Variants in HGFAC observed in about 807,000 individuals in gnomAD.
The protein encoded by HGFAC is HGF activator, also known as hepatocyte growth factor activator serine protease.
HGFAC carries 76 observed loss-of-function variants against 70.6 expected under a neutral mutation model. The ratio of observed to expected loss-of-function variants is 1.08; its 90% confidence interval spans 0.89 to 1.30. The LOEUF is 1.30. Among genes scored for constraint, HGFAC ranks in the 50% most tolerant of loss-of-function variants. The pLI, the probability that HGFAC is intolerant of heterozygous loss-of-function variation, is 0.00. For synonymous variants in HGFAC, 464 were observed against 405.3 expected (o/e 1.14, Z -1.74); for missense variants, 1,044 against 933.7 (o/e 1.12, Z -1.54).
At chr4:3,446,341 C>T in intron 10 of HGFAC, 47 bp downstream of exon 10, 1 of 1,577,404 alleles carries the variant, frequency 6.3e-7, no homozygotes, top group Non-Finnish European at 8.6e-7. Context: ...GCCCCACACA[C>T]CATCCAGCGT....
chr4:3,447,611 A>G lies in HGFAC; in HGVS notation c.1475A>G (p.Asn492Ser). ...CCGTACACCCTGTACTCGGTGTTCA[A>G]CCCCAGCGACCACGACCTCGGTGAG... The part of the protein sequence containing the change: ...YIPYTLYSVF[N>S]PSDHDLVLIR... Residue 492 changes from asparagine to serine, a missense_variant, in exon 11 of 14, where the codon AAC (asparagine) becomes AGC (serine). Coordinates refer to ENST00000382774, the MANE Select transcript of HGFAC (RefSeq NM_001528.4). The G allele has an allele frequency of 6.2e-7, 1 of 1,612,582 alleles. No homozygotes were observed. The highest frequency in any genetic ancestry group is 8.5e-7 in the Non-Finnish European group (1 of 1,179,862).
In HGFAC at chr4:3,443,424, G is replaced by T; in HGVS notation, c.475+4G>T. On this transcript the variant is annotated splice_donor_region_variant and intron_variant, in intron 4 of 13. Transcript: ENST00000382774. ...ACCCCGCCTCCAGGGGGCCCAGGTG[G>T]GTGCTGGGTTGGGTAGCCTGGGGCG... The T allele has an allele frequency of 6.9e-7, 1 of 1,454,312 alleles. No individual in the cohort carries two copies. The highest frequency in any genetic ancestry group is 1.4e-5 in the South Asian group (1 of 70,128). 90.1% of individuals were successfully genotyped at this position (1,454,312 alleles called of 1,614,324 possible).
At position 3,442,093 on chromosome 4, in the gene HGFAC, G is replaced by A. The variant is rs748796749; in HGVS notation, c.92G>A (p.Arg31Gln). 2.1e-5 allele frequency: 32 copies of A among 1,558,998 alleles called. No homozygotes were observed. Among genetic ancestry groups the A allele is most frequent in the Admixed American group, 3.9e-5 (2 of 51,854 alleles). The change falls in exon 1 of 14, where the codon CGG becomes CAG. Residue 31 changes from arginine to glutamine, a missense_variant. Physicochemically the swap from Arg to Gln is conservative, Grantham distance 43 (BLOSUM62 1). Coordinates refer to ENST00000382774, the MANE Select transcript of HGFAC (RefSeq NM_001528.4). ...CTCCTGCTGCTGCTGCTGCTGCCAC[G>A]GGGGTTCCAGCCCCAGCCTGGCGGG... ...LLLLLLLLLPRGFQPQPGGNR... is the reference protein window; with the variant it reads ...LLLLLLLLLPQGFQPQPGGNR...
chr4:3,445,220 G>T (rs1041558920), intron 8 of HGFAC, 45 bp from the exon 9 acceptor site: 3 of 1,476,940 alleles, frequency 2.0e-6, no homozygotes, highest in Admixed American at 2.0e-5. Context: ...TGCCCTCTTC[G>T]AGGGGCAGTG....
At position 3,449,233 on chromosome 4, in the gene HGFAC, C is replaced by T. The variant is rs372897689; in HGVS notation, c.1786-4C>T. ...GGGTGGCTCTGACCAACGTCTCTGC[C>T]CAGGGGGACTCAGGGGGGCCCCTGG... On this transcript the variant is annotated splice_region_variant and splice_polypyrimidine_tract_variant and intron_variant, in intron 13 of 13. Transcript: ENST00000382774. 1.9e-6 allele frequency: 3 copies of T among 1,611,214 alleles called. No homozygotes were observed. Among genetic ancestry groups the T allele is most frequent in the Non-Finnish European group, 2.5e-6 (3 of 1,179,062 alleles).
chr4:3,447,989 C>T lies in HGFAC; in HGVS notation c.1590C>T (p.Pro530=), dbSNP rs202093241. 6.4e-5 allele frequency: 101 copies of T among 1,579,252 alleles called. 1 individual carries two copies. Among genetic ancestry groups the T allele is most frequent in the Middle Eastern group, 3.4e-4 (2 of 5,914 alleles). Residue 530 remains proline, a synonymous_variant, in exon 12 of 14, where the codon CCC becomes CCT. Transcript: ENST00000382774. ...ICLPEPGSTF[P]AGHKCQIAGW... is the part of the protein sequence containing the mutation. The stretch of plus-strand genomic sequence containing the variant: ...TGCCCGAGCCCGGCAGCACCTTCCC[C>T]GCAGGACACAAGTGCCAGATTGCGG...
chr4:3,445,793 AG>A (rs1347473653), intron 9 of HGFAC: 4 of 1,322,196 alleles, frequency 3.0e-6, no homozygotes, highest in Non-Finnish European at 4.2e-6. Context: ...CGGGCTGCTG[AG>A]GGGGCCACAA....
chr4:3,448,104 C>A (rs762497071), intron 12 of HGFAC, 24 bp from the exon 13 acceptor site: 2 of 1,572,984 alleles, frequency 1.3e-6, no homozygotes, highest in Admixed American at 1.8e-5. Flanking sequence ...GTGGGTGTCA[C>A]GCTGAGGGCA....
chr4:3,445,267 A>C lies in HGFAC; in HGVS notation c.1019A>C (p.Asn340Thr). 1.3e-6 allele frequency: 2 copies of C among 1,574,062 alleles called. No homozygotes were observed. Among genetic ancestry groups the C allele is most frequent in the Non-Finnish European group, 1.7e-6 (2 of 1,160,290 alleles). Residue 340 changes from asparagine to threonine, a missense_variant and splice_region_variant, in exon 9 of 14, where the codon AAT (asparagine) becomes ACT (threonine). Coordinates refer to ENST00000382774, the MANE Select transcript of HGFAC (RefSeq NM_001528.4). Reference protein sequence around the residue: ...LGLGPHAYCRNPDNDERPWCY... With the variant: ...LGLGPHAYCRTPDNDERPWCY... ...CAGCCCCCACTTATGCACCGCAGGAATCCGGACAATGACGAGAGGCCCTGG... is the reference window on the plus strand; with the variant it reads ...CAGCCCCCACTTATGCACCGCAGGACTCCGGACAATGACGAGAGGCCCTGG...
chr4:3,441,571 A>G (rs743713), upstream of HGFAC, among the ~76,000 whole-genome samples: 285 of 152,250 alleles, frequency 1.9e-3, no homozygotes, highest in African/African-American at 6.6e-3. The surrounding 1 kb of genome is among the most constrained non-coding windows in gnomAD (Gnocchi z 6.0). Flanking sequence ...TGTGCTGGGC[A>G]CAGAGCTGGA....
Position 3,445,348 on chromosome 4 carries a change from GC to G in HGFAC, c.1101del (p.Cys367TrpfsTer107). Reference sequence around the variant, plus strand: ...TGGGAGTACTGCCGCCTGGAGGCCTGCGGTGCGCGGCTGGCGGGGGGTGCTG... The same window carrying G: ...TGGGAGTACTGCCGCCTGGAGGCCTGGGTGCGCGGCTGGCGGGGGGTGCTG... ...LSWEYCRLEA[C>X]ESLTRVQLSP... On this transcript the variant is annotated frameshift_variant and splice_region_variant, in exon 9 of 14. Transcript: ENST00000382774. LOFTEE classifies it high-confidence loss of function. 1 of 1,568,228 alleles carries G rather than the reference GC, an allele frequency of 6.4e-7. No homozygotes were observed. The highest frequency in any genetic ancestry group is 8.6e-7 in the Non-Finnish European group (1 of 1,157,162).
At chr4:3,443,470 G>A in intron 4 of HGFAC, 50 bp downstream of exon 4, 2 of 1,181,532 alleles carry the variant, frequency 1.7e-6, no homozygotes, top group South Asian at 3.4e-5. Context: ...ACTGGGCCAG[G>A]CCAGAAGGGC....
chr4:3,447,627 C>A lies in HGFAC; in HGVS notation c.1491C>A (p.Asp497Glu), dbSNP rs750546089. The change falls in exon 11 of 14, where the codon GAC (aspartate) becomes GAA (glutamate). Residue 497 changes from aspartate (D) to glutamate (E), a missense_variant. Asp to Glu is a conservative substitution (Grantham distance 45, BLOSUM62 2). Coordinates refer to ENST00000382774, the MANE Select transcript of HGFAC (RefSeq NM_001528.4). ...LYSVFNPSDHDLVLIRLKKKG... is the reference protein window; with the variant it reads ...LYSVFNPSDHELVLIRLKKKG... ...CGGTGTTCAACCCCAGCGACCACGA[C>A]CTCGGTGAGCTCCGGCGTGTCGTGG... 3.7e-6 allele frequency: 6 copies of A among 1,612,552 alleles called. No homozygotes were observed. Among genetic ancestry groups the A allele is most frequent in the South Asian group, 2.2e-5 (2 of 91,052 alleles).
At chr4:3,442,664 A>C (rs1010855053) in intron 1 of HGFAC, 68 bp from the exon 2 acceptor site, 1 of 1,178,294 alleles carries the variant, frequency 8.5e-7, no homozygotes, top group Non-Finnish European at 1.1e-6. Context: ...CAGGGCTGTG[A>C]CCTCCTGCCC....
chr4:3,443,106 C>T lies in HGFAC; in HGVS notation c.355C>T (p.Leu119=), dbSNP rs1471205653. The T allele has an allele frequency of 3.8e-6, 6 of 1,592,980 alleles. No individual in the cohort carries two copies. The Admixed American group carries it at 1.0e-4, about 27-fold the overall frequency. Residue 119 remains leucine, a synonymous_variant, in exon 3 of 14, where the codon CTG becomes TTG. Transcript: ENST00000382774. ...RFPFRYGGRM[L]HACTSEGSAH... ...CCCCTTCCGCTACGGGGGCCGCATG[C>T]TGCATGCCTGCACTTCGGAGGGCAG... is the stretch of plus-strand genomic sequence containing the variant.
chr4:3,444,501 C>G (rs1000200470), intron 6 of HGFAC, 59 bp downstream of exon 6: 2 of 1,528,364 alleles, frequency 1.3e-6, no homozygotes. Context: ...TGTCCACACC[C>G]GAGTGGGAGG....
At chr4:3,444,796 C>T in intron 7 of HGFAC, 23 bp from the exon 8 acceptor site, 3 of 1,582,348 alleles carry the variant, frequency 1.9e-6, no homozygotes, top group South Asian at 1.1e-5. Context: ...CGTGGGCCGG[C>T]CTCACTGCCC....
In HGFAC at chr4:3,447,971, G is replaced by A. The variant is rs1397336615; in HGVS notation, c.1572G>A (p.Glu524=). ...SQFVQPICLP[E]PGSTFPAGHK... ...TCGTGCAGCCCATCTGCCTGCCCGA[G>A]CCCGGCAGCACCTTCCCCGCAGGAC... is the stretch of plus-strand genomic sequence containing the variant. The change falls in exon 12 of 14, where the codon GAG becomes GAA. Residue 524 remains glutamate, a synonymous_variant. Coordinates refer to ENST00000382774, the MANE Select transcript of HGFAC (RefSeq NM_001528.4). 1 of 1,591,490 alleles carries A rather than the reference G, an allele frequency of 6.3e-7. No homozygotes were observed. Among genetic ancestry groups the A allele is most frequent in the Non-Finnish European group, 8.5e-7 (1 of 1,169,770 alleles).
At chr4:3,445,229 T>C (rs1361799950) in intron 8 of HGFAC, 36 bp from the exon 9 acceptor site, 1 of 1,500,426 alleles carries the variant, frequency 6.7e-7, no homozygotes, top group African/African-American at 1.4e-5. Context: ...CGAGGGGCAG[T>C]GTGACTCCCT....
Sources: gnomAD v4.1 joint callset for allele counts (sites outside exome capture counted in the v4.1 genomes callset) on GRCh38, gnomAD v4.1.1 for gene constraint, Gnocchi (gnomAD v3.1) non-coding constraint, MANE v1.5 for transcripts, NCBI Gene and HGNC (gene_info 2026-07-23, HGNC 2026-07-21) for gene names.